Variants in PKIA observed in about 807,000 individuals in gnomAD.
PKIA encodes PKI-alpha.
PKIA carries 4 observed loss-of-function variants against 7.6 expected under a neutral mutation model. That is an observed-to-expected ratio of 0.52 (90% CI 0.26 to 1.20). The LOEUF (loss-of-function observed/expected upper bound fraction) is 1.20, where lower values mean the gene tolerates loss of function less well. PKIA is among the 50% of genes most tolerant of loss of function. The pLI is 0.13. For missense variants in PKIA, 73 were observed against 86.2 expected (o/e 0.85, Z 0.61); for synonymous variants, 21 against 30.7 (o/e 0.68, Z 1.04).
chr8:78,598,022 A>T (rs1808264570), intron 2 of PKIA, among the ~76,000 whole-genome samples: 1 of 150,826 alleles, frequency 6.6e-6, no homozygotes, highest in Non-Finnish European at 1.5e-5. Context: ...AATGGACACA[A>T]ATATAATACA....
intron 1 of PKIA, among the ~76,000 whole-genome samples, chr8:78,546,278 C>T (rs1396126851): frequency 6.6e-6 from 1 of 152,076 alleles, no homozygotes. Flanking sequence ...GGAGACCTTT[C>T]GGTATCTTGC....
chr8:78,563,472 G>A (rs1413399145), intron 1 of PKIA, among the ~76,000 whole-genome samples: 1 of 152,106 alleles, frequency 6.6e-6, no homozygotes, highest in Admixed American at 6.6e-5. Flanking sequence ...CAGATTAAAG[G>A]TGGGGTGGTA....
At chr8:78,589,688 C>T (rs1486701888) in intron 2 of PKIA, among the ~76,000 whole-genome samples, 4 of 152,142 alleles carry the variant, frequency 2.6e-5, no homozygotes, top group African/African-American at 9.7e-5. Flanking sequence ...CACCCCTACA[C>T]ACTCACAATT....
intron 1 of PKIA, among the ~76,000 whole-genome samples, chr8:78,564,353 G>A (rs763861439): frequency 6.6e-6 from 1 of 151,830 alleles, no homozygotes; most frequent in African/African-American, 2.4e-5. Flanking sequence ...AATAAGTTAT[G>A]AAGAGGCAGA....
chr8:78,589,869 C>A lies in PKIA; in HGVS notation c.-27-8489C>A, dbSNP rs184144187. On this transcript the variant is annotated intron_variant, in intron 2 of 3. Transcript: ENST00000396418. ...TTGTGTATCAAACATGTGGTTATCA[C>A]AAGTAAAGCACCTTGTGCAACTGTG... Among the ~76,000 whole-genome samples, 419 of 152,268 alleles carry A rather than the reference C, an allele frequency of 2.8e-3. 3 individuals are homozygous for A. Among genetic ancestry groups the A allele is most frequent in the Non-Finnish European group, 4.7e-3 (317 of 68,018 alleles).
intron 1 of PKIA, among the ~76,000 whole-genome samples, chr8:78,566,286 A>C (rs1807410400): frequency 6.6e-6 from 1 of 152,110 alleles, no homozygotes; most frequent in South Asian, 2.1e-4. Flanking sequence ...TCATAGTCTA[A>C]TTTATGAAAC....
chr8:78,554,734 G>A (rs1049905082), intron 1 of PKIA, among the ~76,000 whole-genome samples: 2 of 151,966 alleles, frequency 1.3e-5, no homozygotes, highest in Non-Finnish European at 2.9e-5. Context: ...GAATTAGATT[G>A]TAGTTATACC....
rs1336645288 is a variant in PKIA, at chr8:78,604,698, A to T, written c.*2877A>T. ...GCATGATTCATATTTTTTATGTTTC[A>T]TGCTACTCATTTTGTTTAATTACCA... On this transcript the variant is annotated 3_prime_UTR_variant, in exon 4 of 4. Coordinates refer to ENST00000396418, the MANE Select transcript of PKIA (RefSeq NM_006823.4). 1 of 152,024 alleles carries T rather than the reference A, an allele frequency of 6.6e-6. No homozygotes were observed. The highest frequency in any genetic ancestry group is 1.9e-4 in the East Asian group (1 of 5,190). 9.4% of individuals were successfully genotyped at this position (152,024 alleles called of 1,614,324 possible). A position where few individuals can be genotyped will look rare whatever the true frequency, so the allele number is the denominator to read the frequency against.
At chr8:78,524,098 TTATA>T (rs1809488502) in intron 1 of PKIA, among the ~76,000 whole-genome samples, 1 of 118,502 alleles carries the variant, frequency 8.4e-6, no homozygotes, top group East Asian at 2.1e-4. Flanking sequence ...ACATTTATAT[TTATA>T]TATAAATATA....
chr8:78,520,912 T>C (rs1809403837), intron 1 of PKIA, among the ~76,000 whole-genome samples: 1 of 152,124 alleles, frequency 6.6e-6, no homozygotes, highest in Non-Finnish European at 1.5e-5. Context: ...GATGAGGTTT[T>C]CCTTCTGTTT....
At chr8:78,529,721 C>A (rs1438303709) in intron 1 of PKIA, among the ~76,000 whole-genome samples, 1 of 151,770 alleles carries the variant, frequency 6.6e-6, no homozygotes, top group African/African-American at 2.4e-5. Context: ...AAATAAGATT[C>A]TTAGAGTAGA....
intron 1 of PKIA, among the ~76,000 whole-genome samples, chr8:78,545,524 C>T (rs1423056605): frequency 6.6e-6 from 1 of 152,114 alleles, no homozygotes; most frequent in Non-Finnish European, 1.5e-5. Context: ...AAGATCAGAA[C>T]TTAGAATCCC....
At chr8:78,536,061 A>C (rs1283882638) in intron 1 of PKIA, 1 of 152,070 alleles carries the variant, frequency 6.6e-6, no homozygotes, top group East Asian at 1.9e-4. Context: ...CATCAGTCTA[A>C]GTTTCAAATA....
Position 78,544,473 on chromosome 8 carries a change from C to G in PKIA, c.-157+28005C>G, listed in dbSNP as rs995724841. 2.0e-5 allele frequency among the ~76,000 whole-genome samples: 3 copies of G among 152,162 alleles called. No individual in the cohort carries two copies. The East Asian group carries it at 5.8e-4, about 29-fold the overall frequency. ...TCCTATTCTGAATCATATTCCAGCA[C>G]ACTATATTTTGAAATTCCCTGTTTG... On this transcript the variant is annotated intron_variant, in intron 1 of 3. Transcript: ENST00000396418.
intron 2 of PKIA, among the ~76,000 whole-genome samples, chr8:78,579,997 A>G (rs1259818236): frequency 6.6e-6 from 1 of 152,072 alleles, no homozygotes; most frequent in East Asian, 1.9e-4. Context: ...AGCAGATTAC[A>G]TGAATCCTGA....
intron 2 of PKIA, among the ~76,000 whole-genome samples, chr8:78,575,274 T>TG (rs909244943): frequency 6.6e-5 from 10 of 151,932 alleles, no homozygotes; most frequent in Non-Finnish European, 1.5e-4. Flanking sequence ...GTTCTTTTTT[T>TG]GTCATAAAAA....
intron 1 of PKIA, among the ~76,000 whole-genome samples, chr8:78,564,880 C>A (rs1807367494): frequency 6.6e-6 from 1 of 151,814 alleles, no homozygotes. Context: ...CTTGTGACAA[C>A]TATGTAAACA....
intron 1 of PKIA, among the ~76,000 whole-genome samples, chr8:78,554,942 G>T (rs1807088820): frequency 2.0e-5 from 3 of 152,106 alleles, no homozygotes; most frequent in African/African-American, 7.2e-5. Context: ...AAAATAAGAT[G>T]AACCAGATTT....
chr8:78,532,694 A>G (rs1806418184), intron 1 of PKIA, among the ~76,000 whole-genome samples: 1 of 151,830 alleles, frequency 6.6e-6, no homozygotes. Flanking sequence ...ATCACTTAAG[A>G]CCAGGAGATC....
Sources: allele counts gnomAD v4.1 joint callset (sites outside exome capture counted in the v4.1 genomes callset), GRCh38; gene constraint gnomAD v4.1.1; transcripts MANE v1.5; gene names NCBI Gene and HGNC (gene_info 2026-07-23, HGNC 2026-07-21).